Variants in GRIK1 observed in about 807,000 individuals in gnomAD.
The protein encoded by GRIK1 is glutamate ionotropic receptor kainate type subunit 1, also known as glutamate receptor ionotropic, kainate 1.
GRIK1 carries 69 observed loss-of-function variants against 105.7 expected under a neutral mutation model. The ratio of observed to expected loss-of-function variants is 0.65; its 90% CI spans 0.54 to 0.80. GRIK1 has a LOEUF of 0.80. GRIK1 is among the 30% of genes least tolerant of loss of function. GRIK1 has a pLI of 0.00. For missense variants in GRIK1, 1,109 were observed against 1,167.3 expected (o/e 0.95, Z 0.73); for synonymous variants, 438 against 431.3 (o/e 1.02, Z -0.19).
intron 1 of GRIK1, among the ~76,000 whole-genome samples, chr21:29,775,814 C>G (rs544746718): frequency 1.2e-4 from 19 of 152,332 alleles, no homozygotes; most frequent in African/African-American, 4.3e-4. Flanking sequence ...ACTGTATGAA[C>G]AGACTTCCTT....
chr21:29,846,493 GAAA>G, intron 1 of GRIK1, among the ~76,000 whole-genome samples: 1 of 151,190 alleles, frequency 6.6e-6, no homozygotes. Context: ...AAGAAAGAAA[GAAA>G]GAAAGAAAGA....
At chr21:29,789,651 C>A (rs1336162868) in intron 1 of GRIK1, among the ~76,000 whole-genome samples, 1 of 152,254 alleles carries the variant, frequency 6.6e-6, no homozygotes, top group Non-Finnish European at 1.5e-5. Flanking sequence ...ATCGCAGTAA[C>A]CCTGTTATTG....
chr21:29,791,897 T>A (rs2066428888), intron 1 of GRIK1, among the ~76,000 whole-genome samples: 1 of 152,202 alleles, frequency 6.6e-6, no homozygotes, highest in Non-Finnish European at 1.5e-5. Flanking sequence ...CATGATACTA[T>A]AAATATAACA....
chr21:29,583,125 C>A (rs926171973), intron 12 of GRIK1, among the ~76,000 whole-genome samples: 1 of 152,156 alleles, frequency 6.6e-6, no homozygotes, highest in African/African-American at 2.4e-5. Context: ...GAATCCGACT[C>A]ATTACTGCAG....
At position 29,661,404 on chromosome 21, in the gene GRIK1, T is replaced by A. The variant is rs563539719; in HGVS notation, c.727-6541A>T. On this transcript the variant is annotated intron_variant, in intron 4 of 17. Coordinates refer to ENST00000327783, the MANE Select transcript of GRIK1 (RefSeq NM_001330994.2). ...GGGAGATTTCTCTGAATTATCTAGG[T>A]AGGCCCAATGTAGTCACAATGAAAA... Among the ~76,000 whole-genome samples, 3 of 152,288 alleles carry A rather than the reference T, an allele frequency of 2.0e-5. No homozygotes were observed. In the East Asian group the frequency reaches 5.8e-4, roughly 29 times the overall value.
intron 1 of GRIK1, among the ~76,000 whole-genome samples, chr21:29,810,757 A>T (rs962841891): frequency 5.9e-5 from 9 of 152,152 alleles, no homozygotes; most frequent in African/African-American, 2.2e-4. Flanking sequence ...GCAATAGCTG[A>T]TTCAAAATTC....
intron 1 of GRIK1, among the ~76,000 whole-genome samples, chr21:29,790,629 T>A (rs912253342): frequency 6.6e-6 from 1 of 151,910 alleles, no homozygotes; most frequent in South Asian, 2.1e-4. Context: ...ATTTTTGTAT[T>A]TTTTGTAGAG....
At chr21:29,666,460 G>C (rs532035966) in intron 4 of GRIK1, among the ~76,000 whole-genome samples, 1 of 151,980 alleles carries the variant, frequency 6.6e-6, no homozygotes, top group African/African-American at 2.4e-5. Context: ...TAACTTGATG[G>C]TATTAGGCCA....
At chr21:29,788,197 G>T (rs1431828384) in intron 1 of GRIK1, among the ~76,000 whole-genome samples, 1 of 152,210 alleles carries the variant, frequency 6.6e-6, no homozygotes, top group Non-Finnish European at 1.5e-5. Context: ...ATGTCAGATT[G>T]TGATAAGTCC....
chr21:29,896,946 G>A (rs1352683995), intron 1 of GRIK1, among the ~76,000 whole-genome samples: 1 of 152,154 alleles, frequency 6.6e-6, no homozygotes, highest in Non-Finnish European at 1.5e-5. Context: ...AGCTCTTGCA[G>A]CCTCTGAGTC....
At chr21:29,800,735 T>A (rs1024617081) in intron 1 of GRIK1, among the ~76,000 whole-genome samples, 3 of 152,190 alleles carry the variant, frequency 2.0e-5, no homozygotes, top group African/African-American at 7.2e-5. Context: ...CAAGAAAGTA[T>A]AAGACATGGT....
chr21:29,621,825 G>A (rs1044219446), intron 7 of GRIK1, among the ~76,000 whole-genome samples: 5 of 152,172 alleles, frequency 3.3e-5, no homozygotes, highest in African/African-American at 9.7e-5. Context: ...ACACTTGGTA[G>A]GTTCCCAGGA....
intron 1 of GRIK1, among the ~76,000 whole-genome samples, chr21:29,719,094 A>ATATATATATATATATATG: frequency 6.7e-6 from 1 of 148,912 alleles, no homozygotes; most frequent in Non-Finnish European, 1.5e-5. Context: ...ATATATATAT[A>ATATATATATATATATATG]TATATATGAT....
At chr21:29,747,980 G>C (rs376576) in intron 1 of GRIK1, among the ~76,000 whole-genome samples, 148,616 of 152,336 alleles carry the variant, frequency 0.98, 72,598 homozygotes, top group East Asian at 1. Context: ...GCTTAATCCC[G>C]TTTCATCTCA....
At chr21:29,873,141 T>C (rs1035633657) in intron 1 of GRIK1, among the ~76,000 whole-genome samples, 6 of 152,208 alleles carry the variant, frequency 3.9e-5, no homozygotes, top group Non-Finnish European at 8.8e-5. Context: ...AAAAGAGCCT[T>C]AGAAATCTCA....
At chr21:29,679,760 A>T (rs1473500125) in intron 3 of GRIK1, among the ~76,000 whole-genome samples, 2 of 152,040 alleles carry the variant, frequency 1.3e-5, no homozygotes, top group Non-Finnish European at 2.9e-5. Flanking sequence ...TTTTGAGTTA[A>T]TTTTTGATTC....
At chr21:29,588,538 T>G (rs1601194143) in intron 11 of GRIK1, among the ~76,000 whole-genome samples, 1 of 152,220 alleles carries the variant, frequency 6.6e-6, no homozygotes, top group Non-Finnish European at 1.5e-5. Flanking sequence ...GTAAGTTTCC[T>G]GAGGCCTCTC....
chr21:29,939,633 GA>G lies in GRIK1; in HGVS notation c.-134del. The G allele has an allele frequency of 1.7e-6, 1 of 580,590 alleles. No homozygotes were observed. The highest frequency in any genetic ancestry group is 2.9e-6 in the Non-Finnish European group (1 of 341,786). 36.0% of individuals were successfully genotyped at this position (580,590 alleles called of 1,614,324 possible). A position where few individuals can be genotyped will look rare whatever the true frequency, so the allele number is the denominator to read the frequency against. On this transcript the variant is annotated 5_prime_UTR_variant, in exon 1 of 18. Transcript: ENST00000327783. ...CCAAGCACGCTGCGCGCTCCCCACG[GA>G]GCGAGCTCGAGGGAACCCGCGTGGG...
intron 4 of GRIK1, among the ~76,000 whole-genome samples, chr21:29,663,002 A>G (rs553521162): frequency 6.6e-6 from 1 of 152,338 alleles, no homozygotes; most frequent in East Asian, 1.9e-4. Context: ...TACAACAATA[A>G]TATTCACAGC....
Sources: allele counts gnomAD v4.1 joint callset (sites outside exome capture counted in the v4.1 genomes callset), GRCh38; gene constraint gnomAD v4.1.1; transcripts MANE v1.5; gene names NCBI Gene and HGNC (gene_info 2026-07-23, HGNC 2026-07-21).